Variants in DNAJC1 observed in about 807,000 individuals in gnomAD.
DNAJC1 encodes dnaJ homolog subfamily C member 1.
Under a neutral mutation model 76.6 loss-of-function variants are expected in DNAJC1, and 58 were observed. The ratio of observed to expected loss-of-function variants is 0.76; its 90% confidence interval spans 0.61 to 0.94. DNAJC1 has a LOEUF of 0.94. Ranked by LOEUF, DNAJC1 falls within the 40% of genes least tolerant of loss-of-function variation. The pLI, the probability that DNAJC1 is intolerant of heterozygous loss-of-function variation, is 0.00. For missense variants in DNAJC1, 689 were observed against 677.3 expected, an observed-to-expected ratio of 1.02 and a Z score of -0.19; for synonymous variants, 258 against 267.9, an observed-to-expected ratio of 0.96 and a Z score of 0.36.
At chr10:21,960,714 A>G (rs991310755) in intron 1 of DNAJC1, among the ~76,000 whole-genome samples, 1 of 152,216 alleles carries the variant, frequency 6.6e-6, no homozygotes, top group Non-Finnish European at 1.5e-5. Flanking sequence ...AAAACTACAG[A>G]AGGAGAAAAA....
chr10:21,887,922 G>T (rs1009240448), intron 7 of DNAJC1, among the ~76,000 whole-genome samples: 9 of 152,072 alleles, frequency 5.9e-5, no homozygotes, highest in African/African-American at 1.9e-4. Flanking sequence ...ACAGCATAAA[G>T]AAACTATCGA....
At chr10:21,774,843 A>C (rs1014580446) in intron 9 of DNAJC1, among the ~76,000 whole-genome samples, 1 of 152,218 alleles carries the variant, frequency 6.6e-6, no homozygotes, top group Non-Finnish European at 1.5e-5. Flanking sequence ...CCCAGTAAAC[A>C]AATTCCAATG....
At chr10:21,873,404 A>G (rs1028929349) in intron 8 of DNAJC1, among the ~76,000 whole-genome samples, 3 of 152,240 alleles carry the variant, frequency 2.0e-5, no homozygotes, top group African/African-American at 4.8e-5. Flanking sequence ...GAAATCTTCA[A>G]TAAGATTAAC....
At chr10:21,927,140 C>T (rs1837141404) in intron 3 of DNAJC1, among the ~76,000 whole-genome samples, 1 of 152,158 alleles carries the variant, frequency 6.6e-6, no homozygotes. Flanking sequence ...TTCTTGGACT[C>T]TTTCAACACT....
intron 8 of DNAJC1, among the ~76,000 whole-genome samples, chr10:21,847,216 G>C (rs1212228129): frequency 6.6e-6 from 1 of 152,046 alleles, no homozygotes; most frequent in East Asian, 1.9e-4. Flanking sequence ...CTCTAGGAAA[G>C]AACCAGCAAA....
At position 21,918,850 on chromosome 10, in the gene DNAJC1, G is replaced by T; in HGVS notation, c.658C>A (p.His220Asn). The change falls in exon 6 of 12, where the codon CAT (histidine) becomes AAT (asparagine). Residue 220 changes from histidine to asparagine, a missense_variant. By Grantham distance (68) the His-to-Asn change is moderately conservative (BLOSUM62 1). Coordinates refer to ENST00000376980, the MANE Select transcript of DNAJC1 (RefSeq NM_022365.4). The stretch of plus-strand genomic sequence containing the variant: ...CCCAGTTTGCATGGAAGCAAATCAT[G>T]CCACTGTGGTTTCATCAGCAATCTA... Reference protein sequence around the residue: ...NERLLMKPQWHDLLPCKLGIW... With the variant: ...NERLLMKPQWNDLLPCKLGIW... 1 of 1,613,052 alleles carries T rather than the reference G, an allele frequency of 6.2e-7. No homozygotes were observed. The highest frequency in any genetic ancestry group is 8.5e-7 in the Non-Finnish European group (1 of 1,179,246).
intron 1 of DNAJC1, among the ~76,000 whole-genome samples, chr10:21,936,365 A>C (rs2131789506): frequency 6.6e-6 from 1 of 152,348 alleles, no homozygotes; most frequent in African/African-American, 2.4e-5. Flanking sequence ...AGCAGCACAG[A>C]CTAAAACAGG....
intron 11 of DNAJC1, among the ~76,000 whole-genome samples, chr10:21,757,716 T>C (rs1834192303): frequency 6.6e-6 from 1 of 152,178 alleles, no homozygotes. Context: ...AGAAGGACAG[T>C]GTGCTCGGAG....
chr10:21,834,778 C>A (rs1055866379), intron 8 of DNAJC1, among the ~76,000 whole-genome samples: 2 of 152,230 alleles, frequency 1.3e-5, no homozygotes, highest in African/African-American at 2.4e-5. Flanking sequence ...GGGGGAGGGG[C>A]ACCCGCCATT....
At chr10:21,890,812 C>A (rs1040971863) in intron 7 of DNAJC1, among the ~76,000 whole-genome samples, 1 of 152,066 alleles carries the variant, frequency 6.6e-6, no homozygotes, top group Non-Finnish European at 1.5e-5. Flanking sequence ...AAATTTAAAT[C>A]AAAAATCAGT....
chr10:21,868,402 C>T (rs997638498), intron 8 of DNAJC1, among the ~76,000 whole-genome samples: 7 of 151,860 alleles, frequency 4.6e-5, no homozygotes, highest in South Asian at 2.1e-4. Flanking sequence ...CGATTACAGG[C>T]GTGAGCCACC....
chr10:21,820,648 C>T (rs1589995294), intron 8 of DNAJC1, among the ~76,000 whole-genome samples: 1 of 152,184 alleles, frequency 6.6e-6, no homozygotes, highest in African/African-American at 2.4e-5. Flanking sequence ...GACTCTGGGC[C>T]CAGTCCCCAG....
chr10:21,968,960 G>A (rs1048041459), intron 1 of DNAJC1, among the ~76,000 whole-genome samples: 3 of 152,122 alleles, frequency 2.0e-5, no homozygotes, highest in African/African-American at 7.2e-5. Context: ...AGTGGCTCAT[G>A]CCTGTAATCC....
chr10:21,805,901 AC>A, intron 9 of DNAJC1, 78 bp downstream of exon 9: 1 of 1,573,132 alleles, frequency 6.4e-7, no homozygotes, highest in East Asian at 2.3e-5. Flanking sequence ...ATACTGTGGA[AC>A]CCATCTATGT....
intron 3 of DNAJC1, among the ~76,000 whole-genome samples, chr10:21,923,776 T>C (rs72797462): frequency 0.013 from 1,921 of 152,030 alleles, 15 homozygotes; most frequent in Middle Eastern, 0.027. Context: ...GTGAGTTTTA[T>C]ACTATAATCT....
At chr10:21,759,845 TTCTG>T (rs1479829833) in intron 10 of DNAJC1, among the ~76,000 whole-genome samples, 1 of 152,212 alleles carries the variant, frequency 6.6e-6, no homozygotes, top group Non-Finnish European at 1.5e-5. Flanking sequence ...TTGAACCCAC[TTCTG>T]TCTGATTCCA....
chr10:21,927,589 A>G (rs1462942906), intron 3 of DNAJC1, among the ~76,000 whole-genome samples: 1 of 152,262 alleles, frequency 6.6e-6, no homozygotes, highest in African/African-American at 2.4e-5. Context: ...ACCACAACCA[A>G]CATTTTTAAA....
At chr10:21,983,826 C>T (rs887219297) in intron 1 of DNAJC1, among the ~76,000 whole-genome samples, 4 of 151,308 alleles carry the variant, frequency 2.6e-5, no homozygotes, top group African/African-American at 7.3e-5. Context: ...TTTGGGATGA[C>T]GGAAAAGTAT....
intron 8 of DNAJC1, among the ~76,000 whole-genome samples, chr10:21,827,411 TA>T (rs1313452501): frequency 3.9e-5 from 6 of 152,128 alleles, no homozygotes; most frequent in African/African-American, 1.2e-4. Context: ...AGGGCTGCCA[TA>T]AAAAAATACC....
Sources: allele counts gnomAD v4.1 joint callset (sites outside exome capture counted in the v4.1 genomes callset), GRCh38; gene constraint gnomAD v4.1.1; transcripts MANE v1.5; gene names NCBI Gene and HGNC (gene_info 2026-07-23, HGNC 2026-07-21).